CSMD1: variants seen among roughly 807,000 people sequenced by gnomAD.
CSMD1 encodes the protein CUB and Sushi multiple domains 1.
A neutral mutation model predicts 417.5 loss-of-function variants in CSMD1; 213 were observed. The observed-to-expected ratio is 0.51, with a 90% confidence interval of 0.46 to 0.57. The LOEUF (loss-of-function observed/expected upper bound fraction) is 0.57, where lower values mean the gene tolerates loss of function less well. CSMD1 is among the 20% of genes least tolerant of loss of function. CSMD1 has a pLI of 0.00. For missense variants in CSMD1, 6,923 were observed against 4,529.7 expected (o/e 1.53, Z -15.17); for synonymous variants, 2,862 against 1,736.8 (o/e 1.65, Z -16.11).
intron 3 of CSMD1, among the ~76,000 whole-genome samples, chr8:4,120,434 C>T (rs1300424874): frequency 6.6e-6 from 1 of 152,186 alleles, no homozygotes; most frequent in Non-Finnish European, 1.5e-5. Flanking sequence ...TCTCTCCTTC[C>T]TCCTCCTCTC....
chr8:3,598,156 C>G (rs1036569370), intron 8 of CSMD1: 6 of 152,036 alleles, frequency 3.9e-5, no homozygotes, highest in African/African-American at 1.4e-4. Context: ...TAAGTAGGAC[C>G]AAGCCAATCT....
intron 1 of CSMD1, among the ~76,000 whole-genome samples, chr8:4,650,051 T>A (rs76708237): frequency 1.3e-5 from 2 of 152,108 alleles, no homozygotes; most frequent in East Asian, 3.9e-4. Context: ...GCTTTACGTG[T>A]GAATATGTAG....
intron 12 of CSMD1, among the ~76,000 whole-genome samples, chr8:3,461,020 G>A (rs986526903): frequency 2.6e-5 from 4 of 152,170 alleles, no homozygotes; most frequent in South Asian, 2.1e-4. Flanking sequence ...AGGAAAGCCC[G>A]TTGAGAGGAT....
chr8:4,739,531 C>T (rs1350362649), intron 1 of CSMD1, among the ~76,000 whole-genome samples: 1 of 152,120 alleles, frequency 6.6e-6, no homozygotes, highest in Admixed American at 6.5e-5. Flanking sequence ...ATGATAATAA[C>T]TTAAAGAAAA....
intron 10 of CSMD1, among the ~76,000 whole-genome samples, chr8:3,550,601 C>G (rs1209472600): frequency 2.0e-5 from 3 of 152,318 alleles, no homozygotes; most frequent in East Asian, 1.9e-4. Flanking sequence ...GTTCCTTTCT[C>G]TGACCTCATC....
intron 1 of CSMD1, among the ~76,000 whole-genome samples, chr8:4,779,702 G>C (rs938465968): frequency 6.6e-6 from 1 of 152,074 alleles, no homozygotes; most frequent in Non-Finnish European, 1.5e-5. Context: ...GAAAAATCCA[G>C]ACACGAATGT....
rs575842641 is a variant in CSMD1, at chr8:3,835,111, C to T, written c.819-81069G>A. Among the ~76,000 whole-genome samples the T allele has an allele frequency of 5.1e-4, 76 of 148,716 alleles. No homozygotes were observed. The South Asian group carries it at 0.016, about 31-fold the overall frequency. On this transcript the variant is annotated intron_variant, in intron 5 of 69. Coordinates refer to ENST00000635120, the MANE Select transcript of CSMD1 (RefSeq NM_033225.6). ...GTAGAGAAATAGGAACACTTTTACA[C>T]TGTTGGTGGGACTGTAAACTAGTCC...
intron 39 of CSMD1, among the ~76,000 whole-genome samples, chr8:3,153,116 G>C (rs1314119076): frequency 6.6e-6 from 1 of 152,220 alleles, no homozygotes; most frequent in Admixed American, 6.5e-5. Context: ...GACAAAACAG[G>C]CTGCAGTAAA....
intron 1 of CSMD1, among the ~76,000 whole-genome samples, chr8:4,859,522 G>C (rs1310772165): frequency 1.3e-5 from 2 of 151,948 alleles, no homozygotes; most frequent in Non-Finnish European, 1.5e-5. Context: ...CTGACCAAGG[G>C]CAATATCCAG....
At chr8:4,765,232 T>C (rs1048652130) in intron 1 of CSMD1, among the ~76,000 whole-genome samples, 3 of 152,206 alleles carry the variant, frequency 2.0e-5, no homozygotes, top group Non-Finnish European at 4.4e-5. Flanking sequence ...TTACCTAGGC[T>C]GAATCTTACA....
intron 6 of CSMD1, among the ~76,000 whole-genome samples, chr8:3,731,113 C>T (rs1334843049): frequency 6.6e-6 from 1 of 152,144 alleles, no homozygotes; most frequent in Non-Finnish European, 1.5e-5. Flanking sequence ...CGAGCACACC[C>T]CAGAACATAA....
At chr8:4,326,813 T>A (rs1799588074) in intron 3 of CSMD1, among the ~76,000 whole-genome samples, 2 of 150,890 alleles carry the variant, frequency 1.3e-5, no homozygotes, top group South Asian at 4.2e-4. Flanking sequence ...AAGAAAACTT[T>A]GGCTTTGAGA....
intron 10 of CSMD1, among the ~76,000 whole-genome samples, chr8:3,514,227 G>A (rs186907702): frequency 6.4e-4 from 97 of 152,200 alleles, no homozygotes; most frequent in African/African-American, 2.1e-3. Flanking sequence ...AAATAAGACC[G>A]GCTTTCTTAG....
intron 3 of CSMD1, among the ~76,000 whole-genome samples, chr8:4,186,263 G>C (rs893881524): frequency 6.6e-6 from 1 of 152,144 alleles, no homozygotes; most frequent in Admixed American, 6.5e-5. Flanking sequence ...AGAGGGGAAA[G>C]TGTAAAATTA....
At chr8:3,161,792 G>C (rs1407537320) in intron 38 of CSMD1, among the ~76,000 whole-genome samples, 1 of 152,138 alleles carries the variant, frequency 6.6e-6, no homozygotes, top group Non-Finnish European at 1.5e-5. Flanking sequence ...GATGAGAACA[G>C]TTTGCAGGGT....
intron 1 of CSMD1, among the ~76,000 whole-genome samples, chr8:4,922,093 T>G (rs1276602578): frequency 6.6e-6 from 1 of 152,184 alleles, no homozygotes; most frequent in African/African-American, 2.4e-5. Context: ...TTTGTAATCA[T>G]GATCCAGGAA....
intron 2 of CSMD1, among the ~76,000 whole-genome samples, chr8:4,635,102 A>T (rs1224904748): frequency 6.6e-6 from 1 of 152,182 alleles, no homozygotes; most frequent in Non-Finnish European, 1.5e-5. Flanking sequence ...CTCTATTTCA[A>T]ACAAAAAATT....
At chr8:4,044,338 T>G (rs1173620221) in intron 3 of CSMD1, among the ~76,000 whole-genome samples, 4 of 152,126 alleles carry the variant, frequency 2.6e-5, no homozygotes, top group Admixed American at 1.3e-4. Context: ...AATAACACAA[T>G]GCAATTCTGT....
intron 3 of CSMD1, among the ~76,000 whole-genome samples, chr8:4,147,368 T>G (rs1300255027): frequency 6.6e-6 from 1 of 152,072 alleles, no homozygotes. Flanking sequence ...CAGTCCTCAG[T>G]GGCTGTGCTC....
Sources: allele counts gnomAD v4.1 joint callset (sites outside exome capture counted in the v4.1 genomes callset), GRCh38; gene constraint gnomAD v4.1.1; transcripts MANE v1.5; gene names NCBI Gene and HGNC (gene_info 2026-07-23, HGNC 2026-07-21).